The following MDN1 variants were observed in gnomAD, a reference collection of about 807,000 sequenced individuals.
MDN1 encodes midasin AAA ATPase 1.
A neutral mutation model predicts 669.2 loss-of-function variants in MDN1; 266 were observed. That is an observed-to-expected ratio of 0.40 (90% CI 0.36 to 0.44). The LOEUF is 0.44. Ranked by LOEUF, MDN1 falls within the 20% of genes least tolerant of loss-of-function variation. The probability of loss-of-function intolerance (pLI) is 1.00; values close to 1 mark genes in which losing one functional copy is unlikely to be tolerated. For synonymous variants in MDN1, 2,385 were observed against 2,457.1 expected, an observed-to-expected ratio of 0.97 and a Z score of 0.87; for missense variants, 5,940 against 6,754.0, an observed-to-expected ratio of 0.88 and a Z score of 4.22.
At chr6:89,795,076 G>A (rs1353190257) in intron 2 of MDN1, among the ~76,000 whole-genome samples, 1 of 152,108 alleles carries the variant, frequency 6.6e-6, no homozygotes, top group Non-Finnish European at 1.5e-5. Flanking sequence ...TCAATTTCAG[G>A]AACCAGGACA....
Position 89,696,452 on chromosome 6 carries a change from G to A in MDN1, c.9291C>T (p.Thr3097=), listed in dbSNP as rs770820577. 3.2e-5 allele frequency: 51 copies of A among 1,614,022 alleles called. No individual in the cohort carries two copies. The highest frequency in any genetic ancestry group is 4.0e-5 in the Non-Finnish European group (47 of 1,180,018). ...GLPILSSSHV[T]LGEWVERTQQ... Reference sequence around the variant, plus strand: ...GAGTTCTCTCAACCCACTCTCCTAGGGTCACGTGAGAGGAGGAAAGAATGG... The same window carrying A: ...GAGTTCTCTCAACCCACTCTCCTAGAGTCACGTGAGAGGAGGAAAGAATGG... Residue 3097 remains threonine, a synonymous_variant, in exon 60 of 102, where the codon ACC becomes ACT. Transcript: ENST00000369393.
intron 23 of MDN1, among the ~76,000 whole-genome samples, chr6:89,750,999 A>C (rs573805894): frequency 3.4e-5 from 5 of 147,376 alleles, no homozygotes; most frequent in Admixed American, 2.0e-4. Flanking sequence ...TCCCCTTTTT[A>C]CATTTCTGGA....
intron 21 of MDN1, 29 bp downstream of exon 21, chr6:89,754,054 A>G (rs1817099590): frequency 3.7e-6 from 6 of 1,606,796 alleles, no homozygotes; most frequent in African/African-American, 1.3e-5. Flanking sequence ...CATTAAGCTC[A>G]TATCCAGTCA....
intron 7 of MDN1, among the ~76,000 whole-genome samples, chr6:89,789,163 G>C (rs371930945): frequency 1.3e-5 from 2 of 151,788 alleles, no homozygotes. Context: ...AACCAATCTC[G>C]GGAAAACTCT....
chr6:89,781,083 T>C (rs1458496737), intron 10 of MDN1, among the ~76,000 whole-genome samples: 1 of 151,998 alleles, frequency 6.6e-6, no homozygotes, highest in African/African-American at 2.4e-5. Flanking sequence ...AAAAGGGCAT[T>C]CAGTGAAAGA....
intron 49 of MDN1, among the ~76,000 whole-genome samples, chr6:89,711,528 C>T (rs970458079): frequency 3.9e-5 from 6 of 151,966 alleles, no homozygotes; most frequent in African/African-American, 1.5e-4. Context: ...GGGGCCTTAG[C>T]GTCCACGTAT....
chr6:89,656,825 AAT>A, intron 90 of MDN1, 24 bp from the exon 91 acceptor site: 1 of 1,593,224 alleles, frequency 6.3e-7, no homozygotes. Flanking sequence ...GCCACAAAAG[AAT>A]GAGGTGAAAG....
At position 89,723,082 on chromosome 6, in the gene MDN1, T is replaced by C. The variant is rs949744495; in HGVS notation, c.5840A>G (p.Asn1947Ser). The change falls in exon 40 of 102, where the codon AAC becomes AGC. Residue 1947 changes from asparagine to serine, a missense_variant. Asn to Ser is a conservative substitution (Grantham distance 46). Around this residue, in one of 5 missense-constraint regions of MDN1, gnomAD observed 2,292 missense variants for 2,638.3 expected, o/e 0.87. Coordinates refer to ENST00000369393, the MANE Select transcript of MDN1 (RefSeq NM_014611.3). ...WGQKGGPWEF[N>S]LRDLFRWCQL... The stretch of plus-strand genomic sequence containing the variant: ...ACACCAGCGGAAAAGGTCCCGGAGG[T>C]TGAATTCCCAGGGTCCTCCTTTTTG... The C allele has an allele frequency of 3.7e-6, 6 of 1,613,920 alleles. No individual in the cohort carries two copies. The highest frequency in any genetic ancestry group is 5.1e-6 in the Non-Finnish European group (6 of 1,179,956).
At position 89,738,272 on chromosome 6, in the gene MDN1, C is replaced by T; in HGVS notation, c.4723+54G>A. 1.9e-6 allele frequency: 3 copies of T among 1,592,116 alleles called. No individual in the cohort carries two copies. In the Admixed American group the frequency reaches 5.1e-5, roughly 27 times the overall value. ...GTCCTGTAAGAGATCCCTCAACTCC[C>T]AACACAAACCCTTCTATGACCCAAT... On this transcript the variant is annotated intron_variant, in intron 33 of 101. Transcript: ENST00000369393.
chr6:89,798,322 T>C (rs1819724521), intron 2 of MDN1, among the ~76,000 whole-genome samples: 1 of 151,568 alleles, frequency 6.6e-6, no homozygotes, highest in Non-Finnish European at 1.5e-5. Context: ...GAGACCAGCC[T>C]ACCAACATGG....
intron 83 of MDN1, among the ~76,000 whole-genome samples, chr6:89,670,305 G>T (rs1417027509): frequency 6.7e-6 from 1 of 149,630 alleles, no homozygotes; most frequent in Non-Finnish European, 1.5e-5. Flanking sequence ...CTCTTGAGTA[G>T]CTGGGATTAC....
intron 37 of MDN1, 123 bp from the exon 38 acceptor site, chr6:89,725,519 A>G: frequency 1.2e-6 from 1 of 830,344 alleles, no homozygotes; most frequent in Non-Finnish European, 1.9e-6. Flanking sequence ...TTCAAACAAT[A>G]TTGATAACCT....
At chr6:89,812,201 G>C (rs879686551) in intron 1 of MDN1, among the ~76,000 whole-genome samples, 4 of 151,866 alleles carry the variant, frequency 2.6e-5, no homozygotes, top group Middle Eastern at 3.4e-3. Flanking sequence ...GGCCAGGCTG[G>C]TCTCAAACTC....
chr6:89,696,541 T>C lies in MDN1; in HGVS notation c.9202A>G (p.Lys3068Glu), dbSNP rs1812751602. 3 of 1,613,998 alleles carry C rather than the reference T, an allele frequency of 1.9e-6. No homozygotes were observed. Among genetic ancestry groups the C allele is most frequent in the African/African-American group, 2.7e-5 (2 of 74,930 alleles). ...PGNLNRPIFS[K>E]CCFEVLTSSW... Reference sequence around the variant, plus strand: ...CTGGTTAAGACTTCAAAGCAGCACTTAGAGAATATGGGTCTATTGAGATTG... The same window carrying C: ...CTGGTTAAGACTTCAAAGCAGCACTCAGAGAATATGGGTCTATTGAGATTG... The change falls in exon 60 of 102, where the codon AAG becomes GAG. Residue 3068 changes from lysine (K) to glutamate (E), a missense_variant. This residue lies in a region of MDN1 where 2,292 missense variants were observed against 2,638.3 expected (regional missense o/e 0.87). Transcript: ENST00000369393.
At chr6:89,733,876 A>T (rs1319040592) in intron 33 of MDN1, among the ~76,000 whole-genome samples, 1 of 152,010 alleles carries the variant, frequency 6.6e-6, no homozygotes, top group African/African-American at 2.4e-5. Context: ...AGGTTCACAT[A>T]TGTATTTTTA....
At chr6:89,771,733 G>C (rs1301549253) in intron 14 of MDN1, 112 bp from the exon 15 acceptor site, 2 of 941,594 alleles carry the variant, frequency 2.1e-6, no homozygotes, top group Non-Finnish European at 3.3e-6. Context: ...TTTTGAGACA[G>C]AGTCTTGTTC....
In MDN1 at chr6:89,699,724, G is replaced by C. The variant is rs368522474; in HGVS notation, c.8874C>G (p.Cys2958Trp). The C allele has an allele frequency of 1.4e-5, 23 of 1,613,548 alleles. No individual in the cohort carries two copies. Among genetic ancestry groups the C allele is most frequent in the Non-Finnish European group, 1.9e-5 (23 of 1,179,842 alleles). ...DFMAQACLRR[C>W]SKNQQPQINE... ...TTATCTGGGGTTGTTGATTTTTGCT[G>C]CATCTGTTCCAAAAATAAAGAGGGA... The change falls in exon 58 of 102, where the codon TGC (cysteine) becomes TGG (tryptophan). Residue 2958 changes from cysteine (C) to tryptophan (W), a missense_variant. Transcript: ENST00000369393.
At chr6:89,758,108 G>A in intron 19 of MDN1, 147 bp downstream of exon 19, 1 of 634,802 alleles carries the variant, frequency 1.6e-6, no homozygotes, top group Non-Finnish European at 2.8e-6. Context: ...CGGCTATTCA[G>A]GATTCTGAGG....
chr6:89,797,166 T>A (rs1209923706), intron 2 of MDN1, among the ~76,000 whole-genome samples: 1 of 151,888 alleles, frequency 6.6e-6, no homozygotes, highest in Non-Finnish European at 1.5e-5. Flanking sequence ...GGTCAAGAGA[T>A]CGAGACCATC....
Sources: allele counts gnomAD v4.1 joint callset (sites outside exome capture counted in the v4.1 genomes callset), GRCh38; gene constraint gnomAD v4.1.1; regional missense constraint gnomAD v4.1.1; transcripts MANE v1.5; gene names NCBI Gene and HGNC (gene_info 2026-07-23, HGNC 2026-07-21).